The following ABTB3 variants were observed in gnomAD, a reference collection of about 807,000 sequenced individuals.
ABTB3 encodes ankyrin repeat- and BTB/POZ domain-containing protein 3.
the ABTB3 span, among the ~76,000 whole-genome samples, chr12:107,378,240 CAA>C: frequency 6.6e-6 from 1 of 152,176 alleles, no homozygotes; most frequent in Non-Finnish European, 1.5e-5. Context: ...CTCTTAACCT[CAA>C]GTCACTTAAA....
chr12:107,416,210 TCTTCCATATTTC>T, the ABTB3 span, among the ~76,000 whole-genome samples: 1 of 152,174 alleles, frequency 6.6e-6, no homozygotes, highest in Non-Finnish European at 1.5e-5. Context: ...GAAAGGAGGC[TCTTCCATATTTC>T]CTTCCATTCC....
the ABTB3 span, among the ~76,000 whole-genome samples, chr12:107,489,660 GTT>G: frequency 6.6e-6 from 1 of 152,202 alleles, no homozygotes; most frequent in Non-Finnish European, 1.5e-5. Flanking sequence ...GACCTCAGGT[GTT>G]TTTATGATAG....
At chr12:107,574,106 G>A in the ABTB3 span, among the ~76,000 whole-genome samples, 1 of 152,176 alleles carries the variant, frequency 6.6e-6, no homozygotes, top group Admixed American at 6.5e-5. Context: ...AGGGTTGTTG[G>A]AAGACTAAAT....
the ABTB3 span, among the ~76,000 whole-genome samples, chr12:107,502,185 C>T: frequency 6.6e-6 from 1 of 151,844 alleles, no homozygotes; most frequent in Non-Finnish European, 1.5e-5. Flanking sequence ...GTGCCTCGGA[C>T]TCTGGAGCAG....
chr12:107,546,584 G>T, the ABTB3 span, among the ~76,000 whole-genome samples: 1 of 152,192 alleles, frequency 6.6e-6, no homozygotes, highest in Non-Finnish European at 1.5e-5. Flanking sequence ...TGTCTACACG[G>T]TATCCTTGCA....
chr12:107,515,546 A>C, the ABTB3 span, among the ~76,000 whole-genome samples: 19 of 152,220 alleles, frequency 1.2e-4, no homozygotes, highest in African/African-American at 4.6e-4. Flanking sequence ...AGTCAGAGAC[A>C]CCAGGACCAT....
chr12:107,544,239 C>G, the ABTB3 span: 1 of 1,279,118 alleles, frequency 7.8e-7, no homozygotes, highest in African/African-American at 1.5e-5. Flanking sequence ...AAAGGACTCA[C>G]TTCCTAAAAC....
At chr12:107,640,497 C>T in the ABTB3 span, 4 of 825,138 alleles carry the variant, frequency 4.8e-6, no homozygotes, top group Admixed American at 4.7e-5. Context: ...TTTTGGTGGT[C>T]TCTTCGCCGG....
chr12:107,546,983 C>G, the ABTB3 span, among the ~76,000 whole-genome samples: 3 of 152,154 alleles, frequency 2.0e-5, no homozygotes, highest in Non-Finnish European at 4.4e-5. Context: ...GACTTGAGCT[C>G]AGGAGTTCCA....
At chr12:107,391,346 G>A in the ABTB3 span, among the ~76,000 whole-genome samples, 1 of 152,114 alleles carries the variant, frequency 6.6e-6, no homozygotes, top group African/African-American at 2.4e-5. Flanking sequence ...ACCACAGTTG[G>A]GATCCTAATC....
At chr12:107,657,705 G>T in the ABTB3 span, 6 of 1,614,036 alleles carry the variant, frequency 3.7e-6, no homozygotes, top group Non-Finnish European at 5.1e-6. Flanking sequence ...TCTTCCAAAG[G>T]TTCCGTGGTA....
chr12:107,428,961 A>G, the ABTB3 span, among the ~76,000 whole-genome samples: 1 of 152,192 alleles, frequency 6.6e-6, no homozygotes, highest in Admixed American at 6.5e-5. Flanking sequence ...AAAGGCACGT[A>G]GCTGCCATAT....
At chr12:107,481,758 T>A in the ABTB3 span, among the ~76,000 whole-genome samples, 1 of 152,140 alleles carries the variant, frequency 6.6e-6, no homozygotes, top group South Asian at 2.1e-4. Flanking sequence ...TGTCACTGGG[T>A]CTTGTCTCTG....
At chr12:107,321,018 G>A in the ABTB3 span, among the ~76,000 whole-genome samples, 1 of 152,194 alleles carries the variant, frequency 6.6e-6, no homozygotes, top group South Asian at 2.1e-4. Flanking sequence ...GCTTGTTTTC[G>A]AGAGCTCGCG....
chr12:107,520,555 C>G, the ABTB3 span: 1 of 1,614,236 alleles, frequency 6.2e-7, no homozygotes, highest in Non-Finnish European at 8.5e-7. Flanking sequence ...GCCAGGGGAA[C>G]TGCCCATGTT....
chr12:107,350,841 A>G, the ABTB3 span, among the ~76,000 whole-genome samples: 2 of 152,176 alleles, frequency 1.3e-5, no homozygotes. Flanking sequence ...TTTCCCAGAG[A>G]TGGCAAGGGA....
the ABTB3 span, among the ~76,000 whole-genome samples, chr12:107,507,448 A>T: frequency 6.6e-6 from 1 of 152,028 alleles, no homozygotes; most frequent in East Asian, 1.9e-4. Context: ...TGCCTCTGTC[A>T]TCCCTCCCAT....
the ABTB3 span, chr12:107,318,623 A>C: frequency 4.0e-6 from 1 of 253,068 alleles, no homozygotes; most frequent in South Asian, 1.1e-4. Context: ...GGGCTCAGGG[A>C]AGAGCGGTCT....
the ABTB3 span, among the ~76,000 whole-genome samples, chr12:107,441,774 C>CAAAAAAAAAAAAAAAAAAAAAAAAAAAA: frequency 1.1e-3 from 85 of 80,014 alleles, 9 homozygotes; most frequent in African/African-American, 4.6e-3. Flanking sequence ...CTTGTCTCTA[C>CAAAAAAAAAAAAAAAAAAAAAAAAAAAA]AAAAAAAAAA....
Sources: allele counts gnomAD v4.1 joint callset (sites outside exome capture counted in the v4.1 genomes callset), GRCh38; gene constraint gnomAD v4.1.1; transcripts MANE v1.5; gene names NCBI Gene and HGNC (gene_info 2026-07-23, HGNC 2026-07-21).